The following NMU variants were observed in gnomAD, a reference collection of about 807,000 sequenced individuals.
NMU encodes the protein neuromedin-U.
NMU carries 29 observed loss-of-function variants against 35.4 expected under a neutral mutation model. That is an observed-to-expected ratio of 0.82 (90% confidence interval 0.61 to 1.12). The LOEUF is 1.12. Among genes scored for constraint, NMU ranks in the 50% most tolerant of loss-of-function variants. The pLI is 0.00. For missense variants in NMU, 199 were observed against 206.2 expected (o/e 0.97, Z 0.21); for synonymous variants, 78 against 81.3 (o/e 0.96, Z 0.22).
Position 55,605,290 on chromosome 4 carries a change from C to G in NMU, c.420G>C (p.Lys140Asn). ...TATTACATACGTCCACTCTGAATCTCTTCATTCTTCTCTCATGCAGGTGAG... is the reference window on the plus strand; with the variant it reads ...TATTACATACGTCCACTCTGAATCTGTTCATTCTTCTCTCATGCAGGTGAG... ...LVPHLHERRM[K>N]RFRVDEEFQS... Residue 140 changes from lysine (K) to asparagine (N), a missense_variant, in exon 7 of 10, where the codon AAG (lysine) becomes AAC (asparagine). Lys to Asn is a moderately conservative substitution (Grantham distance 94, BLOSUM62 0). Transcript: ENST00000264218. 1 of 1,613,030 alleles carries G rather than the reference C, an allele frequency of 6.2e-7. No homozygotes were observed. The highest frequency in any genetic ancestry group is 8.5e-7 in the Non-Finnish European group (1 of 1,178,940).
intron 2 of NMU, among the ~76,000 whole-genome samples, chr4:55,616,678 G>A (rs986308056): frequency 4.6e-5 from 7 of 152,160 alleles, no homozygotes; most frequent in African/African-American, 9.7e-5. Context: ...GACTTTTCAC[G>A]TATTATTTAG....
At chr4:55,609,028 C>T (rs1733819268) in intron 4 of NMU, 92 bp downstream of exon 4, 1 of 1,020,404 alleles carries the variant, frequency 9.8e-7, no homozygotes, top group Non-Finnish European at 1.6e-6. Context: ...TCTTGGCATG[C>T]TTCCTAAATT....
At chr4:55,614,853 T>C (rs1734057745) in intron 3 of NMU, among the ~76,000 whole-genome samples, 1 of 152,254 alleles carries the variant, frequency 6.6e-6, no homozygotes, top group Non-Finnish European at 1.5e-5. Flanking sequence ...TATTAATATA[T>C]ATCTGCCAAT....
intron 3 of NMU, among the ~76,000 whole-genome samples, chr4:55,614,121 C>A (rs1315061832): frequency 1.3e-5 from 2 of 152,002 alleles, no homozygotes; most frequent in African/African-American, 2.4e-5. Flanking sequence ...TCTTTCATTT[C>A]TTTCCTTTGA....
chr4:55,604,027 A>ACGTATATATGT (rs1733567304), intron 7 of NMU, among the ~76,000 whole-genome samples: 8 of 28,992 alleles, frequency 2.8e-4, no homozygotes, highest in African/African-American at 8.2e-4. Flanking sequence ...GTATATATAT[A>ACGTATATATGT]ATCCTAGAAA....
At chr4:55,613,324 T>G (rs28564902) in intron 3 of NMU, among the ~76,000 whole-genome samples, 34,527 of 151,936 alleles carry the variant, frequency 0.23, 4,243 homozygotes, top group South Asian at 0.27. Flanking sequence ...ATTATTTAGG[T>G]TCTGTAGGCT....
At chr4:55,628,567 C>T (rs1186389565) in intron 2 of NMU, among the ~76,000 whole-genome samples, 4 of 152,146 alleles carry the variant, frequency 2.6e-5, no homozygotes, top group East Asian at 1.9e-4. Context: ...GGTGCCATCT[C>T]GGCTCACTGC....
At chr4:55,601,741 C>G (rs1415560305) in intron 7 of NMU, among the ~76,000 whole-genome samples, 1 of 152,028 alleles carries the variant, frequency 6.6e-6, no homozygotes, top group Admixed American at 6.6e-5. Context: ...AATCTGAGCA[C>G]TTTGGGAGGC....
chr4:55,606,619 C>G (rs777909430), intron 6 of NMU, among the ~76,000 whole-genome samples: 1 of 151,180 alleles, frequency 6.6e-6, no homozygotes, highest in Non-Finnish European at 1.5e-5. Context: ...TATTTATTTG[C>G]TTTTTTTATT....
Position 55,636,261 on chromosome 4 carries a change from G to C in NMU, c.-69C>G, listed in dbSNP as rs572813280. ...GCCACGCGTAGCTGGTGCTCCACCT[G>C]GTGCCCTGGCTGTGCCTCGGGGCCC... On this transcript the variant is annotated 5_prime_UTR_variant, in exon 1 of 10. Transcript: ENST00000264218. This position sits in a 1 kb window ranked among gnomAD's most constrained non-coding sequence, Gnocchi z 4.0. 114 of 1,407,934 alleles carry C rather than the reference G, an allele frequency of 8.1e-5. No individual in the cohort carries two copies. In the South Asian group the frequency reaches 1.7e-3, roughly 21 times the overall value. The allele number at this position is 1,407,934 out of a possible 1,614,324, so 87.2% of individuals were successfully genotyped here. A position where few individuals can be genotyped will look rare whatever the true frequency, so the allele number is the denominator to read the frequency against.
chr4:55,600,488 A>T, intron 8 of NMU, 34 bp downstream of exon 8: 1 of 1,368,082 alleles, frequency 7.3e-7, no homozygotes, highest in Non-Finnish European at 1.0e-6. Flanking sequence ...ATTTTGGTGT[A>T]GATTGATTTT....
intron 7 of NMU, among the ~76,000 whole-genome samples, chr4:55,604,888 G>T (rs1315996516): frequency 6.6e-6 from 1 of 151,656 alleles, no homozygotes; most frequent in Non-Finnish European, 1.5e-5. Context: ...CTAGCTATTT[G>T]CCAAGCTGGA....
At chr4:55,616,468 A>G in intron 2 of NMU, 83 bp from the exon 3 acceptor site, 3 of 1,019,340 alleles carry the variant, frequency 2.9e-6, no homozygotes, top group Non-Finnish European at 4.6e-6. Flanking sequence ...CACATTACCT[A>G]TGGAACATTA....
At chr4:55,609,301 G>C in intron 3 of NMU, 122 bp from the exon 4 acceptor site, 1 of 741,714 alleles carries the variant, frequency 1.3e-6, no homozygotes, top group South Asian at 1.5e-5. Context: ...GAATCCTTCT[G>C]TAGATTATTA....
At chr4:55,627,291 T>C (rs1734572084) in intron 2 of NMU, among the ~76,000 whole-genome samples, 1 of 152,130 alleles carries the variant, frequency 6.6e-6, no homozygotes, top group Non-Finnish European at 1.5e-5. Flanking sequence ...TATGTCTCAG[T>C]ATCTGATAAG....
chr4:55,636,281 G>A lies in NMU; in HGVS notation c.-89C>T, dbSNP rs1715926302. Reference sequence around the variant, plus strand: ...CACCTGGTGCCCTGGCTGTGCCTCGGGGCCCGGACACAGGACTGAGCGCCC... The same window carrying A: ...CACCTGGTGCCCTGGCTGTGCCTCGAGGCCCGGACACAGGACTGAGCGCCC... On this transcript the variant is annotated 5_prime_UTR_variant, in exon 1 of 10. Coordinates refer to ENST00000264218, the MANE Select transcript of NMU (RefSeq NM_006681.4). The surrounding 1 kb of genome is among the most constrained non-coding windows in gnomAD (Gnocchi z 4.0). 6 of 1,398,428 alleles carry A rather than the reference G, an allele frequency of 4.3e-6. No individual in the cohort carries two copies. The highest frequency in any genetic ancestry group is 5.5e-6 in the Non-Finnish European group (6 of 1,085,662). The allele number at this position is 1,398,428 out of a possible 1,614,324, so 86.6% of individuals were successfully genotyped here.
chr4:55,628,874 T>C (rs1372732449), intron 2 of NMU, among the ~76,000 whole-genome samples: 2 of 152,136 alleles, frequency 1.3e-5, no homozygotes, highest in Admixed American at 1.3e-4. Flanking sequence ...CTTAGCTTAT[T>C]AATGTTTTTA....
chr4:55,601,817 T>C (rs776907499), intron 7 of NMU, among the ~76,000 whole-genome samples: 4 of 151,490 alleles, frequency 2.6e-5, no homozygotes, highest in Non-Finnish European at 5.9e-5. Flanking sequence ...AGAGACCTAG[T>C]CTCTACAAAT....
chr4:55,599,743 G>C (rs1733349377), intron 8 of NMU, among the ~76,000 whole-genome samples: 1 of 152,090 alleles, frequency 6.6e-6, no homozygotes, highest in Admixed American at 6.6e-5. Context: ...AGTCTTCTCT[G>C]TACCTCTTCC....
Sources: gnomAD v4.1 joint callset for allele counts (sites outside exome capture counted in the v4.1 genomes callset) on GRCh38, gnomAD v4.1.1 for gene constraint, Gnocchi (gnomAD v3.1) non-coding constraint, MANE v1.5 for transcripts, NCBI Gene and HGNC (gene_info 2026-07-23, HGNC 2026-07-21) for gene names.